CPLANE1: variants seen among roughly 807,000 people sequenced by gnomAD.
CPLANE1 encodes ciliogenesis and planar polarity effector 1.
Under a neutral mutation model 362.5 loss-of-function variants are expected in CPLANE1, and 263 were observed. The observed-to-expected ratio is 0.73, with a 90% CI of 0.66 to 0.80. The LOEUF is 0.80. Ranked by LOEUF, CPLANE1 falls within the 30% of genes least tolerant of loss-of-function variation. The pLI is 0.00. For synonymous variants in CPLANE1, 1,212 were observed against 1,302.6 expected, an observed-to-expected ratio of 0.93 and a Z score of 1.50; for missense variants, 3,461 against 3,793.4, an observed-to-expected ratio of 0.91 and a Z score of 2.30.
At chr5:37,212,521 C>G (rs1459666924) in intron 16 of CPLANE1, 3 of 554,874 alleles carry the variant, frequency 5.4e-6, no homozygotes, top group Non-Finnish European at 1.0e-5. Flanking sequence ...AAAGAAACTA[C>G]AAATGTTTTC....
intron 15 of CPLANE1, among the ~76,000 whole-genome samples, chr5:37,220,431 T>C (rs577476698): frequency 6.6e-6 from 1 of 152,290 alleles, no homozygotes; most frequent in East Asian, 1.9e-4. Flanking sequence ...ATATTACATG[T>C]TCATTCATAT....
intron 8 of CPLANE1, among the ~76,000 whole-genome samples, chr5:37,236,863 C>G (rs571603704): frequency 6.6e-6 from 1 of 151,696 alleles, no homozygotes; most frequent in African/African-American, 2.4e-5. Context: ...AAAACCACAA[C>G]GAGATAACAT....
At chr5:37,108,909 G>A (rs1758330418) in intron 51 of CPLANE1, among the ~76,000 whole-genome samples, 1 of 152,224 alleles carries the variant, frequency 6.6e-6, no homozygotes. Flanking sequence ...AGGCATCACA[G>A]TGAGTGTGGT....
chr5:37,216,978 A>C (rs1181912019), intron 15 of CPLANE1, among the ~76,000 whole-genome samples: 1 of 152,190 alleles, frequency 6.6e-6, no homozygotes, highest in Non-Finnish European at 1.5e-5. Context: ...AAATAATGTT[A>C]ATTAATGTTA....
intron 8 of CPLANE1, 76 bp downstream of exon 8, chr5:37,238,781 G>A: frequency 1.4e-6 from 1 of 730,066 alleles, no homozygotes; most frequent in Non-Finnish European, 2.1e-6. Flanking sequence ...TTACAGGTGT[G>A]AGCTACCACA....
chr5:37,247,405 CTT>C (rs1740079191), intron 2 of CPLANE1, among the ~76,000 whole-genome samples: 1 of 152,130 alleles, frequency 6.6e-6, no homozygotes, highest in Non-Finnish European at 1.5e-5. Context: ...AAATAAACCA[CTT>C]AACATTCTGG....
At chr5:37,171,766 CTCTCT>C (rs1779860261) in intron 32 of CPLANE1, among the ~76,000 whole-genome samples, 1 of 151,312 alleles carries the variant, frequency 6.6e-6, no homozygotes, top group Admixed American at 6.6e-5. Flanking sequence ...CTCTCTCTCT[CTCTCT>C]CTCTCTCTCT....
the CPLANE1 span, among the ~76,000 whole-genome samples, chr5:37,078,702 G>A: frequency 7.3e-5 from 11 of 149,744 alleles, no homozygotes; most frequent in Admixed American, 1.3e-4. Flanking sequence ...CCACAACCTC[G>A]GAAGCATCTG....
intron 43 of CPLANE1, among the ~76,000 whole-genome samples, chr5:37,146,279 A>G (rs1018078460): frequency 2.0e-5 from 3 of 152,126 alleles, no homozygotes; most frequent in Admixed American, 6.5e-5. Flanking sequence ...CCTGAGTTCA[A>G]GCAATTCTCC....
intron 19 of CPLANE1, among the ~76,000 whole-genome samples, chr5:37,200,494 G>A (rs1392601512): frequency 6.6e-6 from 1 of 152,066 alleles, no homozygotes; most frequent in African/African-American, 2.4e-5. Flanking sequence ...AAATCAACAA[G>A]TAAAATGTTT....
At position 37,162,363 on chromosome 5, in the gene CPLANE1, T is replaced by C. The variant is rs560261511; in HGVS notation, c.7690+102A>G. 5.3e-4 allele frequency: 368 copies of C among 694,722 alleles called. No homozygotes were observed. In the African/African-American group the frequency reaches 5.8e-3, roughly 11 times the overall value. The allele number at this position is 694,722 out of a possible 1,614,324, so 43.0% of individuals were successfully genotyped here. A position where few individuals can be genotyped will look rare whatever the true frequency, so the allele number is the denominator to read the frequency against. On this transcript the variant is annotated intron_variant, in intron 38 of 52. Transcript: ENST00000651892. The stretch of plus-strand genomic sequence containing the variant: ...TCTAGGCAGAGTAAATAATATCACA[T>C]AATTAAAAATTCCCTTTAAATCACT...
At chr5:37,198,136 A>G (rs1339934741) in intron 20 of CPLANE1, among the ~76,000 whole-genome samples, 1 of 152,232 alleles carries the variant, frequency 6.6e-6, no homozygotes, top group Admixed American at 6.5e-5. Flanking sequence ...TCAGCTAGAT[A>G]AAAAGACCTA....
chr5:37,105,755 C>A (rs1757542347), downstream of CPLANE1, among the ~76,000 whole-genome samples: 1 of 152,122 alleles, frequency 6.6e-6, no homozygotes, highest in African/African-American at 2.4e-5. Flanking sequence ...AAAATATTTG[C>A]AAGCTACCCA....
intron 46 of CPLANE1, among the ~76,000 whole-genome samples, chr5:37,138,289 T>C (rs6877843): frequency 0.046 from 7,003 of 152,286 alleles, 547 homozygotes; most frequent in African/African-American, 0.16. Flanking sequence ...TATCATTATG[T>C]CCCTTTCTTT....
At position 37,165,601 on chromosome 5, in the gene CPLANE1, T is replaced by C; in HGVS notation, c.7471A>G (p.Thr2491Ala). 6.2e-7 allele frequency: 1 copy of C among 1,611,746 alleles called. No individual in the cohort carries two copies. Among genetic ancestry groups the C allele is most frequent in the Non-Finnish European group, 8.5e-7 (1 of 1,179,342 alleles). Residue 2491 changes from threonine (T) to alanine (A), a missense_variant, in exon 36 of 53, where the codon ACT becomes GCT. This residue lies in a region of CPLANE1 where 3,380 missense variants were observed against 3,666.1 expected (regional missense o/e 0.92). Transcript: ENST00000651892. The part of the protein sequence containing the change: ...CEKLRRKPNV[T>A]FRPENSIINN... The stretch of plus-strand genomic sequence containing the variant: ...ATTATGGAATTCTCTGGTCGAAAAG[T>C]CACATTTGGTTTTCTCCTCAGTTTC...
intron 16 of CPLANE1, chr5:37,211,226 T>G: frequency 6.8e-7 from 1 of 1,479,538 alleles, no homozygotes; most frequent in South Asian, 1.1e-5. Flanking sequence ...GTAGTTCCCC[T>G]GATTCTGACC....
At chr5:37,130,230 TG>T (rs1765380965) in intron 46 of CPLANE1, among the ~76,000 whole-genome samples, 1 of 152,138 alleles carries the variant, frequency 6.6e-6, no homozygotes, top group Non-Finnish European at 1.5e-5. Context: ...TTCAGGGACT[TG>T]GGAGAAAGGG....
At chr5:37,107,909 G>C (rs1757997886) in intron 52 of CPLANE1, 131 bp from the exon 53 acceptor site, 1 of 1,390,508 alleles carries the variant, frequency 7.2e-7, no homozygotes, top group Admixed American at 2.9e-5. Context: ...AAGGCTGAAG[G>C]AAATGTGCCA....
At position 37,169,412 on chromosome 5, in the gene CPLANE1, A is replaced by G. The variant is rs1016503821; in HGVS notation, c.6612T>C (p.Ser2204=). The change falls in exon 34 of 53, where the codon TCT becomes TCC. Residue 2204 remains serine, a synonymous_variant. Coordinates refer to ENST00000651892, the MANE Select transcript of CPLANE1 (RefSeq NM_001384732.1). ...TAAGTCTAGGTGCCTTCTGAACAACAGAAGGTGTGGACAAAAGGTAGAGGT... is the reference window on the plus strand; with the variant it reads ...TAAGTCTAGGTGCCTTCTGAACAACGGAAGGTGTGGACAAAAGGTAGAGGT... ...NTHLYLLSTP[S]VVQKAPRLIP... is the part of the protein sequence containing the mutation. 6.2e-7 allele frequency: 1 copy of G among 1,614,244 alleles called. No homozygotes were observed. The highest frequency in any genetic ancestry group is 1.3e-5 in the African/African-American group (1 of 75,080).
Sources: allele counts gnomAD v4.1 joint callset (sites outside exome capture counted in the v4.1 genomes callset), GRCh38; gene constraint gnomAD v4.1.1; regional missense constraint gnomAD v4.1.1; transcripts MANE v1.5; gene names NCBI Gene and HGNC (gene_info 2026-07-23, HGNC 2026-07-21).